Variants in TRIM5 observed in about 807,000 individuals in gnomAD.
TRIM5 encodes the protein tripartite motif-containing protein 5.
Under a neutral mutation model 35.6 loss-of-function variants are expected in TRIM5, and 31 were observed. The observed-to-expected ratio is 0.87, with a 90% CI of 0.65 to 1.18. The LOEUF is 1.18. Ranked by LOEUF, TRIM5 falls within the 50% of genes most tolerant of loss-of-function variation. TRIM5 has a pLI of 0.00. For synonymous variants in TRIM5, 243 were observed against 215.6 expected, an observed-to-expected ratio of 1.13 and a Z score of -1.11; for missense variants, 609 against 591.6, an observed-to-expected ratio of 1.03 and a Z score of -0.31.
the TRIM5 span, among the ~76,000 whole-genome samples, chr11:5,653,924 G>C: frequency 6.6e-6 from 1 of 151,946 alleles, no homozygotes; most frequent in African/African-American, 2.4e-5. Context: ...TCTTCTGCTT[G>C]ATTTAGTCTA....
At chr11:5,627,461 G>A in the TRIM5 span, among the ~76,000 whole-genome samples, 5 of 152,296 alleles carry the variant, frequency 3.3e-5, no homozygotes, top group Non-Finnish European at 7.4e-5. Context: ...TTCTACCAGA[G>A]TGGTGGCAGT....
At chr11:5,630,575 G>A in the TRIM5 span, among the ~76,000 whole-genome samples, 12 of 151,778 alleles carry the variant, frequency 7.9e-5, no homozygotes, top group Non-Finnish European at 1.5e-4. Context: ...CTCCATGAAC[G>A]GGGCATTCAC....
chr11:5,650,129 T>C, the TRIM5 span, among the ~76,000 whole-genome samples: 1 of 152,164 alleles, frequency 6.6e-6, no homozygotes, highest in Non-Finnish European at 1.5e-5. Flanking sequence ...TGGAGAAACG[T>C]TGTGTGTATG....
At chr11:5,609,414 T>G in the TRIM5 span, among the ~76,000 whole-genome samples, 58 of 152,258 alleles carry the variant, frequency 3.8e-4, no homozygotes, top group African/African-American at 8.7e-4. Flanking sequence ...ATTTGATACT[T>G]TCAAAGCCCC....
chr11:5,610,523 T>C, the TRIM5 span: 1 of 1,614,148 alleles, frequency 6.2e-7, no homozygotes, highest in Non-Finnish European at 8.5e-7. Flanking sequence ...TTGACTCTTT[T>C]CATCATTACA....
At position 5,679,849 on chromosome 11, in the gene TRIM5, C is replaced by T. The variant is rs56348930; in HGVS notation, c.329G>A (p.Gly110Glu). 15,865 of 1,613,654 alleles carry T rather than the reference C, an allele frequency of 9.8e-3. 109 individuals are homozygous for T. The highest frequency in any genetic ancestry group is 0.012 in the Non-Finnish European group (14,345 of 1,179,946). Residue 110 changes from glycine to glutamate, a missense_variant, in exon 2 of 8, where the codon GGG becomes GAG. Transcript: ENST00000380034. ...EKLLLFCQEDGKVICWLCERS... is the reference protein window; with the variant it reads ...EKLLLFCQEDEKVICWLCERS... Reference sequence around the variant, plus strand: ...CTCACAAAGCCAGCAAATGACCTTCCCGTCCTCCTGACAGAAGAGTAGAAG... The same window carrying T: ...CTCACAAAGCCAGCAAATGACCTTCTCGTCCTCCTGACAGAAGAGTAGAAG...
chr11:5,655,011 T>C, the TRIM5 span, among the ~76,000 whole-genome samples: 1 of 151,952 alleles, frequency 6.6e-6, no homozygotes, highest in African/African-American at 2.4e-5. Flanking sequence ...GCTAACATGG[T>C]GAAACCTGGT....
the TRIM5 span, among the ~76,000 whole-genome samples, chr11:5,599,780 C>T: frequency 6.6e-6 from 1 of 152,260 alleles, no homozygotes; most frequent in South Asian, 2.1e-4. Flanking sequence ...ACATCAAGGC[C>T]AACTATAAGC....
chr11:5,643,770 C>T, the TRIM5 span: 1 of 1,518,610 alleles, frequency 6.6e-7, no homozygotes, highest in East Asian at 2.3e-5. Context: ...ACTGACTCAT[C>T]TGCAACATTC....
intron 1 of TRIM5, among the ~76,000 whole-genome samples, chr11:5,680,990 T>C (rs999388121): frequency 6.6e-6 from 1 of 152,122 alleles, no homozygotes; most frequent in African/African-American, 2.4e-5. Context: ...CCCAGAGCAA[T>C]TGGGGTGTGG....
At chr11:5,604,710 C>G in the TRIM5 span, 1 of 1,431,952 alleles carries the variant, frequency 7.0e-7, no homozygotes, top group East Asian at 2.3e-5. Flanking sequence ...GAGTCCTTGT[C>G]CTGTCTGTCC....
the TRIM5 span, among the ~76,000 whole-genome samples, chr11:5,657,552 T>C: frequency 1.6e-5 from 2 of 121,380 alleles, no homozygotes; most frequent in East Asian, 2.7e-4. Context: ...TTATATATAA[T>C]GCATTTATAT....
chr11:5,682,935 G>A (rs1323377109), intron 1 of TRIM5, among the ~76,000 whole-genome samples: 5 of 152,254 alleles, frequency 3.3e-5, no homozygotes, highest in Admixed American at 6.5e-5. Context: ...CAGCTTGCAG[G>A]GAGGTGTGGA....
chr11:5,598,766 C>G, the TRIM5 span, among the ~76,000 whole-genome samples: 1 of 152,138 alleles, frequency 6.6e-6, no homozygotes, highest in Non-Finnish European at 1.5e-5. Context: ...AGAAACCAAG[C>G]TTTTAATTTT....
chr11:5,619,441 T>G, the TRIM5 span, among the ~76,000 whole-genome samples: 7 of 151,720 alleles, frequency 4.6e-5, no homozygotes, highest in African/African-American at 1.7e-4. Flanking sequence ...CTGAACATAT[T>G]TCAGAATGGT....
chr11:5,643,738 T>G, the TRIM5 span: 8 of 1,541,406 alleles, frequency 5.2e-6, no homozygotes, highest in Admixed American at 6.4e-5. Context: ...CTACAACCCT[T>G]TGTCTTGACT....
intron 4 of TRIM5, among the ~76,000 whole-genome samples, chr11:5,676,594 A>G (rs1852001293): frequency 6.6e-6 from 1 of 151,812 alleles, no homozygotes; most frequent in Non-Finnish European, 1.5e-5. Context: ...CAGAATTGGA[A>G]AAAACTACTT....
At chr11:5,676,439 A>G (rs1204471528) in intron 4 of TRIM5, among the ~76,000 whole-genome samples, 26 of 151,712 alleles carry the variant, frequency 1.7e-4, no homozygotes, top group African/African-American at 6.3e-4. Flanking sequence ...ACAAACCACT[A>G]CTCAAGGAAA....
rs1338108071 is a variant in TRIM5 at position 5,665,329 on chromosome 11, C to G, written c.962G>C (p.Ser321Thr). Residue 321 changes from serine (S) to threonine (T), a missense_variant, in exon 8 of 8, where the codon AGC becomes ACC. By Grantham distance (58) the Ser-to-Thr change is moderately conservative. Transcript: ENST00000380034. ...AVISEDKRQV[S>T]SPKPQIIYGA... The stretch of plus-strand genomic sequence containing the variant: ...ATATATTATCTGTGGTTTCGGAGAG[C>G]TCACTTGTCTCTTATCTTCAGAAAT... The G allele has an allele frequency of 1.4e-5, 22 of 1,613,916 alleles. No homozygotes were observed. Among genetic ancestry groups the G allele is most frequent in the Non-Finnish European group, 1.9e-5 (22 of 1,179,984 alleles).
Sources: allele counts gnomAD v4.1 joint callset (sites outside exome capture counted in the v4.1 genomes callset), GRCh38; gene constraint gnomAD v4.1.1; transcripts MANE v1.5; gene names NCBI Gene and HGNC (gene_info 2026-07-23, HGNC 2026-07-21).